The following SPON1 variants were observed in gnomAD, a reference collection of about 807,000 sequenced individuals.
SPON1 encodes the protein spondin-1.
In SPON1, 52 loss-of-function variants were observed where a neutral mutation model predicts 111.7. That is an observed-to-expected ratio of 0.47 (90% CI 0.37 to 0.59). SPON1 has a LOEUF of 0.59. Among genes scored for constraint, SPON1 ranks in the 20% least tolerant of loss-of-function variants. The probability of loss-of-function intolerance (pLI) is 0.00; values close to 1 mark genes in which losing one functional copy is unlikely to be tolerated. For missense variants in SPON1, 957 were observed against 1,068.5 expected, an observed-to-expected ratio of 0.90 and a Z score of 1.46; for synonymous variants, 410 against 395.8, an observed-to-expected ratio of 1.04 and a Z score of -0.43.
intron 6 of SPON1, among the ~76,000 whole-genome samples, chr11:14,152,886 T>G (rs1029034931): frequency 1.3e-5 from 2 of 152,186 alleles, no homozygotes; most frequent in African/African-American, 2.4e-5. Context: ...CAAGGGATAT[T>G]CTTTCTCAAA....
At chr11:13,988,888 G>C (rs756938738) in intron 2 of SPON1, among the ~76,000 whole-genome samples, 1 of 152,162 alleles carries the variant, frequency 6.6e-6, no homozygotes, top group East Asian at 1.9e-4. Context: ...TTGCATCCCA[G>C]GGATGAAGCT....
intron 6 of SPON1, among the ~76,000 whole-genome samples, chr11:14,170,581 A>G (rs1848086624): frequency 6.6e-6 from 1 of 151,926 alleles, no homozygotes; most frequent in African/African-American, 2.4e-5. Flanking sequence ...GCCAGTTTTC[A>G]AAGGGAATGC....
chr11:14,059,700 C>G (rs1554919626), intron 3 of SPON1, among the ~76,000 whole-genome samples: 1 of 152,176 alleles, frequency 6.6e-6, no homozygotes, highest in Non-Finnish European at 1.5e-5. Flanking sequence ...GAGTTACTGG[C>G]TGGGGAAGAG....
At chr11:14,092,849 A>C (rs1482394762) in intron 5 of SPON1, among the ~76,000 whole-genome samples, 1 of 152,240 alleles carries the variant, frequency 6.6e-6, no homozygotes, top group Non-Finnish European at 1.5e-5. Flanking sequence ...TTACAGACTC[A>C]GATGACATAG....
Position 14,254,565 on chromosome 11 carries a change from A to C in SPON1, c.928A>C (p.Thr310Pro). The change falls in exon 8 of 16, where the codon ACG (threonine) becomes CCG (proline). Residue 310 changes from threonine (T) to proline (P), a missense_variant. Coordinates refer to ENST00000576479, the MANE Select transcript of SPON1 (RefSeq NM_006108.4). The stretch of plus-strand genomic sequence containing the variant: ...TTCAGCTGAATTTTCCGTGGACAGA[A>C]CGCGCCATTTAATGTCCTTCCTGAC... ...APSAEFSVDR[T>P]RHLMSFLTMM... is the part of the protein sequence containing the mutation. The C allele has an allele frequency of 6.2e-7, 1 of 1,612,774 alleles. No homozygotes were observed. Among genetic ancestry groups the C allele is most frequent in the South Asian group, 1.1e-5 (1 of 90,860 alleles).
At chr11:14,130,050 A>G (rs2133858118) in intron 5 of SPON1, among the ~76,000 whole-genome samples, 1 of 152,350 alleles carries the variant, frequency 6.6e-6, no homozygotes. Context: ...GTCAATAGTC[A>G]ATAGTCAAAT....
At chr11:14,111,911 G>T (rs560873603) in intron 5 of SPON1, among the ~76,000 whole-genome samples, 1 of 152,130 alleles carries the variant, frequency 6.6e-6, no homozygotes, top group African/African-American at 2.4e-5. Flanking sequence ...GTGACAAATT[G>T]ACCAAGGAGC....
intron 6 of SPON1, among the ~76,000 whole-genome samples, chr11:14,222,809 A>G (rs1848695221): frequency 6.6e-6 from 1 of 152,186 alleles, no homozygotes; most frequent in African/African-American, 2.4e-5. Context: ...TCCATGGTGT[A>G]AATACTCTCA....
intron 5 of SPON1, among the ~76,000 whole-genome samples, chr11:14,114,746 C>A (rs1849254077): frequency 6.6e-6 from 1 of 152,174 alleles, no homozygotes; most frequent in African/African-American, 2.4e-5. Context: ...GCTATCCTAT[C>A]ACGGCACTTT....
chr11:14,182,430 G>A (rs1370620864), intron 6 of SPON1, among the ~76,000 whole-genome samples: 1 of 152,090 alleles, frequency 6.6e-6, no homozygotes, highest in Admixed American at 6.6e-5. Context: ...TATGTCTGTG[G>A]GCTGTTATAT....
At chr11:14,256,779 T>A (rs933842139) in intron 10 of SPON1, 87 bp downstream of exon 10, 1 of 999,872 alleles carries the variant, frequency 1.0e-6, no homozygotes, top group Non-Finnish European at 1.6e-6. Flanking sequence ...TTAAGAACCA[T>A]AAACCATGTG....
At chr11:14,056,255 G>A (rs1401474557) in intron 3 of SPON1, among the ~76,000 whole-genome samples, 1 of 152,088 alleles carries the variant, frequency 6.6e-6, no homozygotes, top group Non-Finnish European at 1.5e-5. Flanking sequence ...ACACTTCCTG[G>A]CACAGAATAA....
intron 6 of SPON1, among the ~76,000 whole-genome samples, chr11:14,139,574 C>A (rs1331959779): frequency 2.0e-5 from 3 of 152,018 alleles, no homozygotes; most frequent in Non-Finnish European, 2.9e-5. Context: ...ATTTATTGAA[C>A]TTATTAGTTT....
In SPON1 at chr11:14,245,086, T is replaced by C. The variant is rs374829284; in HGVS notation, c.890+1690T>C. ...ACACCCGTATTGAAGACAGCAACAA[T>C]GTGAGGAATGTGTGAGATGCTGCTC... On this transcript the variant is annotated intron_variant, in intron 7 of 15. Transcript: ENST00000576479. Among the ~76,000 whole-genome samples, 17 of 152,086 alleles carry C rather than the reference T, an allele frequency of 1.1e-4. No individual in the cohort carries two copies. The South Asian group carries it at 3.5e-3, about 32-fold the overall frequency.
At chr11:14,061,734 G>T (rs1426134349) in intron 3 of SPON1, among the ~76,000 whole-genome samples, 2 of 152,204 alleles carry the variant, frequency 1.3e-5, no homozygotes, top group Non-Finnish European at 2.9e-5. Flanking sequence ...CAGTCAGATT[G>T]CAGACATTTG....
chr11:14,260,512 G>T, intron 13 of SPON1, 76 bp from the exon 14 acceptor site: 1 of 1,505,512 alleles, frequency 6.6e-7, no homozygotes, highest in Non-Finnish European at 9.0e-7. Context: ...ACTCGGTGTG[G>T]AACACTGTGG....
chr11:13,975,764 G>C (rs1848098600), intron 1 of SPON1, among the ~76,000 whole-genome samples: 1 of 152,146 alleles, frequency 6.6e-6, no homozygotes, highest in Non-Finnish European at 1.5e-5. Context: ...TCCTTCCAGT[G>C]GTCCTTCATT....
intron 3 of SPON1, among the ~76,000 whole-genome samples, chr11:14,049,431 T>C (rs541378796): frequency 6.6e-6 from 1 of 152,278 alleles, no homozygotes; most frequent in South Asian, 2.1e-4. Flanking sequence ...TCACACCACT[T>C]ACCTAACACT....
At chr11:14,062,302 A>G (rs4268487) in intron 3 of SPON1, among the ~76,000 whole-genome samples, 2 of 152,178 alleles carry the variant, frequency 1.3e-5, no homozygotes, top group African/African-American at 2.4e-5. Context: ...TGGCTCAGGC[A>G]TTGATCCCTG....
Sources: gnomAD v4.1 joint callset for allele counts (sites outside exome capture counted in the v4.1 genomes callset) on GRCh38, gnomAD v4.1.1 for gene constraint, MANE v1.5 for transcripts, NCBI Gene and HGNC (gene_info 2026-07-23, HGNC 2026-07-21) for gene names.